EVL: variants seen among roughly 807,000 people sequenced by gnomAD.
The protein encoded by EVL is Enah/Vasp-like, also known as ena/VASP-like protein.
Under a neutral mutation model 59.6 loss-of-function variants are expected in EVL, and 21 were observed. That is an observed-to-expected ratio of 0.35 (90% CI 0.25 to 0.51). The LOEUF (loss-of-function observed/expected upper bound fraction) is 0.51, where lower values mean the gene tolerates loss of function less well. EVL is among the 20% of genes least tolerant of loss of function. The probability of loss-of-function intolerance (pLI) is 0.97; values close to 1 mark genes in which losing one functional copy is unlikely to be tolerated. For missense variants in EVL, 462 were observed against 546.6 expected (o/e 0.85, Z 1.54); for synonymous variants, 198 against 203.5 (o/e 0.97, Z 0.23).
At chr14:100,141,432 A>C (rs568641581) in intron 12 of EVL, among the ~76,000 whole-genome samples, 186 bp downstream of exon 12, 10 of 152,286 alleles carry the variant, frequency 6.6e-5, no homozygotes, top group African/African-American at 2.4e-4. Flanking sequence ...CCCTGCCATC[A>C]CCAGAACTAG....
intron 1 of EVL, among the ~76,000 whole-genome samples, chr14:100,013,886 A>G (rs994732552): frequency 2.6e-5 from 4 of 152,202 alleles, no homozygotes; most frequent in African/African-American, 4.8e-5. Flanking sequence ...TTTATTTTTT[A>G]TATTTTTATG....
rs1452765026 is a variant in EVL, at chr14:100,130,203, G to A, written c.839+519G>A. 2.0e-5 allele frequency among the ~76,000 whole-genome samples: 3 copies of A among 152,170 alleles called. No homozygotes were observed. Among genetic ancestry groups the A allele is most frequent in the South Asian group, 4.1e-4 (2 of 4,836 alleles). ...GAGAGAGTAGTTCCATCTACATCCC[G>A]GCCGGGCTCTTGGGCCTGAGACCTG... is the stretch of plus-strand genomic sequence containing the variant. On this transcript the variant is annotated intron_variant, in intron 7 of 13. Coordinates refer to ENST00000392920, the MANE Select transcript of EVL (RefSeq NM_016337.3). The surrounding 1 kb of genome is among the most constrained non-coding windows in gnomAD (Gnocchi z 4.8).
At chr14:100,142,654 GCCT>G (rs1566736363) in intron 13 of EVL, among the ~76,000 whole-genome samples, 1 of 152,132 alleles carries the variant, frequency 6.6e-6, no homozygotes, top group Admixed American at 6.5e-5. Flanking sequence ...AAAGACCCAG[GCCT>G]CCTCCCCCAG....
chr14:100,124,621 C>T (rs1887911091), intron 4 of EVL, among the ~76,000 whole-genome samples: 1 of 152,184 alleles, frequency 6.6e-6, no homozygotes, highest in African/African-American at 2.4e-5. Flanking sequence ...CCTAGACTGG[C>T]AGTCAAGTCT....
Position 100,129,426 on chromosome 14 carries a change from G to C in EVL, c.718-137G>C, listed in dbSNP as rs972785182. 17 of 1,247,788 alleles carry C rather than the reference G, an allele frequency of 1.4e-5. No individual in the cohort carries two copies. The Middle Eastern group carries it at 6.3e-4, about 46-fold the overall frequency. 77.3% of individuals were successfully genotyped at this position (1,247,788 alleles called of 1,614,324 possible). A position where few individuals can be genotyped will look rare whatever the true frequency, so the allele number is the denominator to read the frequency against. ...TGTGGGGTTGGAGAATAATGGACCA[G>C]ATGGCCCCTGAGGCCCCTTGCAGTG... On this transcript the variant is annotated intron_variant, in intron 6 of 13. Transcript: ENST00000392920.
At chr14:100,020,999 TGGCGTGTTACAGTAGATA>T (rs2061114380) in intron 1 of EVL, among the ~76,000 whole-genome samples, 1 of 152,240 alleles carries the variant, frequency 6.6e-6, no homozygotes, top group Non-Finnish European at 1.5e-5. Flanking sequence ...ATATAATGTC[TGGCGTGTTACAGTAGATA>T]GGCCCCTGGG....
Position 99,972,510 on chromosome 14 carries a change from C to A in EVL, c.5+453C>A, listed in dbSNP as rs2060741030. ...AGGCGTTGCCGAAGCCTCCCCCTGCCAGCGCCCAGAGCCGCGTTTGGGCTT... is the reference window on the plus strand; with the variant it reads ...AGGCGTTGCCGAAGCCTCCCCCTGCAAGCGCCCAGAGCCGCGTTTGGGCTT... On this transcript the variant is annotated intron_variant, in intron 1 of 13. Coordinates refer to the EVL transcript ENST00000402714. This position sits in a 1 kb window ranked among gnomAD's most constrained non-coding sequence, Gnocchi z 4.4. Among the ~76,000 whole-genome samples the A allele has an allele frequency of 6.6e-6, 1 of 152,190 alleles. No homozygotes were observed. Among genetic ancestry groups the A allele is most frequent in the Non-Finnish European group, 1.5e-5 (1 of 68,014 alleles).
intron 2 of EVL, chr14:100,097,137 G>A (rs1885868662): frequency 5.2e-6 from 1 of 191,240 alleles, no homozygotes; most frequent in African/African-American, 2.3e-5. Flanking sequence ...CATCTTATAA[G>A]TGGAGAAACT....
chr14:100,109,391 G>A lies in EVL; in HGVS notation c.358+11733G>A, dbSNP rs935790170. 5 of 360,446 alleles carry A rather than the reference G, an allele frequency of 1.4e-5. No individual in the cohort carries two copies. The highest frequency in any genetic ancestry group is 3.9e-4 in the Middle Eastern group (1 of 2,596). The allele number at this position is 360,446 out of a possible 1,614,324, so 22.3% of individuals were successfully genotyped here. A position where few individuals can be genotyped will look rare whatever the true frequency, so the allele number is the denominator to read the frequency against. Reference sequence around the variant, plus strand: ...CCTCAGGCACCCCTTCCCAGTCCTCGCACACTGTTGGTGTCCCATTTGTTT... The same window carrying A: ...CCTCAGGCACCCCTTCCCAGTCCTCACACACTGTTGGTGTCCCATTTGTTT... On this transcript the variant is annotated intron_variant, in intron 3 of 13. Coordinates refer to ENST00000392920, the MANE Select transcript of EVL (RefSeq NM_016337.3). This position sits in a 1 kb window ranked among gnomAD's most constrained non-coding sequence, Gnocchi z 4.3.
chr14:100,090,878 CT>C (rs1387250478), intron 2 of EVL, among the ~76,000 whole-genome samples: 1 of 152,190 alleles, frequency 6.6e-6, no homozygotes, highest in African/African-American at 2.4e-5. Flanking sequence ...AATGTTCACT[CT>C]CACCTCTTTG....
intron 1 of EVL, among the ~76,000 whole-genome samples, chr14:99,973,974 T>A (rs951630382): frequency 6.6e-6 from 1 of 152,242 alleles, no homozygotes; most frequent in Non-Finnish European, 1.5e-5. Flanking sequence ...GTCTTCGCTT[T>A]GGAGTTATTT....
intron 3 of EVL, among the ~76,000 whole-genome samples, chr14:100,104,976 C>T (rs1886471894): frequency 7.3e-6 from 1 of 136,394 alleles, no homozygotes; most frequent in Non-Finnish European, 1.5e-5. Flanking sequence ...GGGATGGGAG[C>T]TGGCCTCACA....
chr14:100,024,835 C>A (rs1258096726), intron 1 of EVL, among the ~76,000 whole-genome samples: 1 of 152,062 alleles, frequency 6.6e-6, no homozygotes, highest in South Asian at 2.1e-4. Context: ...CTTTCCTGTC[C>A]TTTCTTCAGT....
chr14:100,077,181 G>A (rs2062181286), intron 1 of EVL, among the ~76,000 whole-genome samples: 1 of 152,166 alleles, frequency 6.6e-6, no homozygotes, highest in Non-Finnish European at 1.5e-5. Flanking sequence ...TCAACCAGAG[G>A]CGGGGGAACA....
chr14:100,042,823 A>T (rs1227582414), intron 1 of EVL, among the ~76,000 whole-genome samples: 1 of 152,108 alleles, frequency 6.6e-6, no homozygotes, highest in African/African-American at 2.4e-5. Context: ...TGCCTCTGAG[A>T]TTTCTACTTT....
At chr14:100,050,540 G>A (rs1003218616) in intron 1 of EVL, among the ~76,000 whole-genome samples, 4 of 151,656 alleles carry the variant, frequency 2.6e-5, no homozygotes, top group East Asian at 1.9e-4. Flanking sequence ...TAGTAGAGAC[G>A]GGGTTTCACC....
At chr14:100,065,076 A>G (rs1477616114), upstream of EVL, among the ~76,000 whole-genome samples, 1 of 147,906 alleles carries the variant, frequency 6.8e-6, no homozygotes, top group East Asian at 2.0e-4. Flanking sequence ...GGAAAACTGA[A>G]GCTCAGACAT....
chr14:100,135,692 C>T, intron 8 of EVL: 1 of 533,042 alleles, frequency 1.9e-6, no homozygotes, highest in Non-Finnish European at 3.4e-6. Flanking sequence ...TCCCTGTAGC[C>T]TTCCCCTTCC....
At chr14:100,107,526 T>A (rs2140337899) in intron 3 of EVL, 1 of 385,582 alleles carries the variant, frequency 2.6e-6, no homozygotes, top group East Asian at 3.7e-5. Context: ...CGCCCAACGT[T>A]CCTCCACTAG....
Sources: allele counts gnomAD v4.1 joint callset (sites outside exome capture counted in the v4.1 genomes callset), GRCh38; gene constraint gnomAD v4.1.1; non-coding constraint Gnocchi (gnomAD v3.1); transcripts MANE v1.5; gene names NCBI Gene and HGNC (gene_info 2026-07-23, HGNC 2026-07-21).